GFY: variants seen among roughly 807,000 people sequenced by gnomAD.
GFY encodes golgi associated olfactory signaling regulator, also known as Golgi-associated olfactory signaling regulator.
In GFY, 28 loss-of-function variants were observed where a neutral mutation model predicts 29.1. The ratio of observed to expected loss-of-function variants is 0.96; its 90% CI spans 0.71 to 1.32. The LOEUF (loss-of-function observed/expected upper bound fraction) is 1.32. Among genes scored for constraint, GFY ranks in the 40% most tolerant of loss-of-function variants. GFY has a pLI of 0.00. For missense variants in GFY, 656 were observed against 661.9 expected, an observed-to-expected ratio of 0.99 and a Z score of 0.10; for synonymous variants, 277 against 274.5, an observed-to-expected ratio of 1.01 and a Z score of -0.09.
chr19:49,427,480 C>T lies in GFY; in HGVS notation c.1050C>T (p.Ala350=), dbSNP rs1427587767. The T allele has an allele frequency of 6.5e-7, 1 of 1,535,098 alleles. No homozygotes were observed. Among genetic ancestry groups the T allele is most frequent in the South Asian group, 1.2e-5 (1 of 83,906 alleles). Residue 350 remains alanine, a synonymous_variant, in exon 2 of 4, where the codon GCC becomes GCT. Coordinates refer to ENST00000610896, the MANE Select transcript of GFY (RefSeq NM_001195256.2). ...AGTCCAACGTCCCTCCTCCCTCAGCCCGGATTGCAGGTCCCCCTGCTCTTC... is the reference window on the plus strand; with the variant it reads ...AGTCCAACGTCCCTCCTCCCTCAGCTCGGATTGCAGGTCCCCCTGCTCTTC... ...PKESNVPPPS[A]RIAGPPALPG...
Position 49,427,528 on chromosome 19 carries a change from C to G in GFY, c.1098C>G (p.Ala366=). 1 of 1,522,966 alleles carries G rather than the reference C, an allele frequency of 6.6e-7. No individual in the cohort carries two copies. Among genetic ancestry groups the G allele is most frequent in the Non-Finnish European group, 8.8e-7 (1 of 1,140,554 alleles). 94.3% of individuals were successfully genotyped at this position (1,522,966 alleles called of 1,614,324 possible). A position where few individuals can be genotyped will look rare whatever the true frequency, so the allele number is the denominator to read the frequency against. The change falls in exon 2 of 4, where the codon GCC becomes GCG. Residue 366 remains alanine (A), a synonymous_variant. Coordinates refer to ENST00000610896, the MANE Select transcript of GFY (RefSeq NM_001195256.2). The part of the protein sequence containing the change: ...PALPGRPSQL[A]PATLRAPQRH... ...TTCCAGGGCGCCCCAGTCAGTTGGC[C>G]CCTGCCACTCTGCGGGCACCCCAGA... is the stretch of plus-strand genomic sequence containing the variant.
chr19:49,424,679 C>T (rs1164584620), upstream of GFY, among the ~76,000 whole-genome samples: 1 of 151,976 alleles, frequency 6.6e-6, no homozygotes, highest in East Asian at 1.9e-4. Context: ...GGCGAAACTC[C>T]TTCTCTACAA....
chr19:49,427,799 C>T, intron 2 of GFY, 147 bp from the exon 3 acceptor site: 2 of 754,046 alleles, frequency 2.7e-6, no homozygotes, highest in Non-Finnish European at 3.4e-6. Flanking sequence ...GAGGGAGGAC[C>T]GGCTGGGGTC....
At position 49,427,383 on chromosome 19, in the gene GFY, C is replaced by G. The variant is rs937612851; in HGVS notation, c.953C>G (p.Ser318Cys). The G allele has an allele frequency of 6.5e-7, 1 of 1,536,114 alleles. No individual in the cohort carries two copies. Among genetic ancestry groups the G allele is most frequent in the Non-Finnish European group, 8.7e-7 (1 of 1,146,860 alleles). ...PGTPAAIQPD[S>C]PKLPTSDSPG... ...ACACCTGCAGCCATCCAGCCCGACTCCCCAAAATTGCCCACTTCAGATTCT... is the reference window on the plus strand; with the variant it reads ...ACACCTGCAGCCATCCAGCCCGACTGCCCAAAATTGCCCACTTCAGATTCT... The change falls in exon 2 of 4, where the codon TCC becomes TGC. Residue 318 changes from serine (S) to cysteine (C), a missense_variant. Transcript: ENST00000610896.
Position 49,427,532 on chromosome 19 carries a change from G to GC in GFY, c.1104dup (p.Thr369HisfsTer12). 6.6e-7 allele frequency: 1 copy of GC among 1,520,626 alleles called. No homozygotes were observed. Among genetic ancestry groups the GC allele is most frequent in the Non-Finnish European group, 8.8e-7 (1 of 1,139,494 alleles). The allele number at this position is 1,520,626 out of a possible 1,614,324, so 94.2% of individuals were successfully genotyped here. On this transcript the variant is annotated frameshift_variant, in exon 2 of 4. Transcript: ENST00000610896. LOFTEE classifies it high-confidence loss of function. ...AGGGCGCCCCAGTCAGTTGGCCCCTGCCACTCTGCGGGCACCCCAGAGGCA... is the reference window on the plus strand; with the variant it reads ...AGGGCGCCCCAGTCAGTTGGCCCCTGCCCACTCTGCGGGCACCCCAGAGGCA...
In GFY at chr19:49,426,923, T is replaced by C. The variant is rs2335086; in HGVS notation, c.493T>C (p.Phe165Leu). Residue 165 changes from phenylalanine to leucine, a missense_variant, in exon 2 of 4, where the codon TTT becomes CTT. Transcript: ENST00000610896. ...CTTCTCCAAAACTTCACGCCCAGAA[T>C]TTCCTGAGACCCCAAACACTGACCT... The part of the protein sequence containing the change: ...PNFSKTSRPE[F>L]PETPNTDLMQ... 3.6e-3 allele frequency: 5,505 copies of C among 1,535,612 alleles called. 159 individuals carry two copies. In the African/African-American group the frequency reaches 0.065, roughly 18 times the overall value.
chr19:49,425,869 C>A (rs771000835), intron 1 of GFY, among the ~76,000 whole-genome samples: 2 of 152,142 alleles, frequency 1.3e-5, no homozygotes, highest in Non-Finnish European at 2.9e-5. Flanking sequence ...GAACCAGGAG[C>A]CAGGAACCTC....
upstream of GFY, among the ~76,000 whole-genome samples, chr19:49,424,350 G>C (rs1391764038): frequency 6.6e-6 from 1 of 152,094 alleles, no homozygotes; most frequent in Admixed American, 6.5e-5. Context: ...TCAAGCCATT[G>C]TCCTGCCTCA....
rs978851055 is a variant in GFY at position 49,427,585 on chromosome 19, C to T, written c.1155C>T (p.Ile385=). 5 of 1,483,652 alleles carry T rather than the reference C, an allele frequency of 3.4e-6. No homozygotes were observed. The African/African-American group carries it at 5.6e-5, about 17-fold the overall frequency. 91.9% of individuals were successfully genotyped at this position (1,483,652 alleles called of 1,614,324 possible). The change falls in exon 2 of 4, where the codon ATC becomes ATT. Residue 385 remains isoleucine, a synonymous_variant. Coordinates refer to ENST00000610896, the MANE Select transcript of GFY (RefSeq NM_001195256.2). Reference sequence around the variant, plus strand: ...GCCGAGGTGAGGGAGTCAACACCATCATCGTGGTGGAGCGAGTGAAGGAGA... The same window carrying T: ...GCCGAGGTGAGGGAGTCAACACCATTATCGTGGTGGAGCGAGTGAAGGAGA... ...RHSRGEGVNT[I]IVVERVKETG...
upstream of GFY, among the ~76,000 whole-genome samples, chr19:49,424,575 G>T (rs1975054189): frequency 6.6e-6 from 1 of 151,844 alleles, no homozygotes; most frequent in African/African-American, 2.4e-5. Flanking sequence ...CCTCAGCCGG[G>T]TGCTGTGGCT....
chr19:49,428,781 C>T lies in GFY; in HGVS notation c.1520C>T (p.Ala507Val). 6.7e-7 allele frequency: 1 copy of T among 1,487,814 alleles called. No homozygotes were observed. The allele number at this position is 1,487,814 out of a possible 1,614,324, so 92.2% of individuals were successfully genotyped here. ...GGGGGTCGCCCGCAGCGTCTGGAGG[C>T]CCTGTCCCCCGCCACGCTCCCCAAC... ...PRGGRPQRLE[A>V]LSPATLPNNF... Residue 507 changes from alanine (A) to valine (V), a missense_variant, in exon 4 of 4, where the codon GCC (alanine) becomes GTC (valine). Physicochemically the swap from Ala to Val is moderately conservative, Grantham distance 64. Transcript: ENST00000610896.
chr19:49,427,483 G>A lies in GFY; in HGVS notation c.1053G>A (p.Arg351=). The A allele has an allele frequency of 6.5e-7, 1 of 1,534,926 alleles. No individual in the cohort carries two copies. Among genetic ancestry groups the A allele is most frequent in the Non-Finnish European group, 8.7e-7 (1 of 1,146,144 alleles). The change falls in exon 2 of 4, where the codon CGG becomes CGA. Residue 351 remains arginine, a synonymous_variant. Coordinates refer to ENST00000610896, the MANE Select transcript of GFY (RefSeq NM_001195256.2). ...CCAACGTCCCTCCTCCCTCAGCCCG[G>A]ATTGCAGGTCCCCCTGCTCTTCCAG... is the stretch of plus-strand genomic sequence containing the variant. ...KESNVPPPSA[R]IAGPPALPGR...
At chr19:49,428,399 G>A (rs1241913567) in intron 3 of GFY, among the ~76,000 whole-genome samples, 2 of 147,430 alleles carry the variant, frequency 1.4e-5, no homozygotes, top group Non-Finnish European at 3.0e-5. Flanking sequence ...TGTACTTCCC[G>A]CCCTCCACTG....
At chr19:49,426,323 G>A in intron 1 of GFY, 87 bp from the exon 2 acceptor site, 1 of 1,441,190 alleles carries the variant, frequency 6.9e-7, no homozygotes, top group Non-Finnish European at 9.0e-7. Flanking sequence ...TGGTCCACCT[G>A]TGTTCCAGTG....
Position 49,427,181 on chromosome 19 carries a change from C to G in GFY, c.751C>G (p.Pro251Ala). 1.3e-6 allele frequency: 2 copies of G among 1,535,992 alleles called. No individual in the cohort carries two copies. Among genetic ancestry groups the G allele is most frequent in the Non-Finnish European group, 1.7e-6 (2 of 1,146,880 alleles). The change falls in exon 2 of 4, where the codon CCC becomes GCC. Residue 251 changes from proline to alanine, a missense_variant. By Grantham distance (27) the Pro-to-Ala change is conservative (BLOSUM62 -1). Transcript: ENST00000610896. ...PHPESHVTHN[P>A]SPTEISQTEF... ...CCCAGAATCCCATGTGACCCACAAT[C>G]CCAGCCCCACCGAAATTTCCCAAAC...
Position 49,427,948 on chromosome 19 carries a change from G to T in GFY, c.1186G>T (p.Val396Leu), listed in dbSNP as rs753547909. The change falls in exon 3 of 4, where the codon GTG (valine) becomes TTG (leucine). Residue 396 changes from valine to leucine, a missense_variant and splice_region_variant. Physicochemically the swap from Val to Leu is conservative, Grantham distance 32. Coordinates refer to ENST00000610896, the MANE Select transcript of GFY (RefSeq NM_001195256.2). ...IVVERVKETG[V>L]TLVGRPRGAA... ...AGATTGCTGGTATCCCCCTTCAGGC[G>T]TGACTCTGGTGGGGCGACCACGTGG... 1 of 1,532,806 alleles carries T rather than the reference G, an allele frequency of 6.5e-7. No individual in the cohort carries two copies. Among genetic ancestry groups the T allele is most frequent in the South Asian group, 1.2e-5 (1 of 83,992 alleles). 95.0% of individuals were successfully genotyped at this position (1,532,806 alleles called of 1,614,324 possible). A position where few individuals can be genotyped will look rare whatever the true frequency, so the allele number is the denominator to read the frequency against.
At chr19:49,428,582 T>C (rs1194394222) in intron 3 of GFY, 37 bp from the exon 4 acceptor site, 2 of 1,375,642 alleles carry the variant, frequency 1.5e-6, no homozygotes, top group Admixed American at 6.3e-5. Context: ...GCCTGGAGGG[T>C]CAGCCCAGAG....
rs903744697 is a variant in GFY, at chr19:49,428,125, C to T, written c.1357+6C>T. The T allele has an allele frequency of 2.0e-6, 3 of 1,527,132 alleles. No individual in the cohort carries two copies. The highest frequency in any genetic ancestry group is 1.8e-6 in the Non-Finnish European group (2 of 1,139,486). 94.6% of individuals were successfully genotyped at this position (1,527,132 alleles called of 1,614,324 possible). ...GGACGACGGAGATGAACCGGGTGAG[C>T]GCCCTGCCCCTTGAATGCCTGCACT... is the stretch of plus-strand genomic sequence containing the variant. On this transcript the variant is annotated splice_donor_region_variant and intron_variant, in intron 3 of 3. Transcript: ENST00000610896.
In GFY at chr19:49,427,201, C is replaced by G. The variant is rs1188383882; in HGVS notation, c.771C>G (p.Ser257=). 6.5e-7 allele frequency: 1 copy of G among 1,535,866 alleles called. No individual in the cohort carries two copies. Among genetic ancestry groups the G allele is most frequent in the South Asian group, 1.2e-5 (1 of 84,034 alleles). Residue 257 remains serine (S), a synonymous_variant, in exon 2 of 4, where the codon TCC becomes TCG. Coordinates refer to ENST00000610896, the MANE Select transcript of GFY (RefSeq NM_001195256.2). ...VTHNPSPTEI[S]QTEFPTTYYQ... is the part of the protein sequence containing the mutation. ...ACAATCCCAGCCCCACCGAAATTTC[C>G]CAAACAGAATTCCCCACAACCTACT...
Sources: gnomAD v4.1 joint callset for allele counts (sites outside exome capture counted in the v4.1 genomes callset) on GRCh38, gnomAD v4.1.1 for gene constraint, MANE v1.5 for transcripts, NCBI Gene and HGNC (gene_info 2026-07-23, HGNC 2026-07-21) for gene names.